The following VPS13B variants were observed in gnomAD, a reference collection of about 807,000 sequenced individuals.
VPS13B encodes vacuolar protein sorting 13 homolog B, also known as intermembrane lipid transfer protein VPS13B.
VPS13B carries 285 observed loss-of-function variants against 426.4 expected under a neutral mutation model. That is an observed-to-expected ratio of 0.67 (90% CI 0.61 to 0.74). The LOEUF (loss-of-function observed/expected upper bound fraction) is 0.74, where lower values mean the gene tolerates loss of function less well. VPS13B is among the 30% of genes least tolerant of loss of function. The pLI, the probability that VPS13B is intolerant of heterozygous loss-of-function variation, is 0.00. For synonymous variants in VPS13B, 1,676 were observed against 1,676.4 expected, an observed-to-expected ratio of 1.00 and a Z score of 0.01; for missense variants, 4,537 against 4,782.6, an observed-to-expected ratio of 0.95 and a Z score of 1.51.
intron 27 of VPS13B, among the ~76,000 whole-genome samples, chr8:99,503,572 T>C (rs1221926743): frequency 1.3e-5 from 2 of 152,220 alleles, no homozygotes; most frequent in African/African-American, 2.4e-5. Context: ...TGGAATATTC[T>C]GAATCCTTTG....
At chr8:99,631,247 G>C (rs962437026) in intron 33 of VPS13B, among the ~76,000 whole-genome samples, 5 of 151,962 alleles carry the variant, frequency 3.3e-5, no homozygotes, top group Non-Finnish European at 7.4e-5. Flanking sequence ...TGGTTTTTCT[G>C]GGAATCATGG....
chr8:99,117,646 A>G (rs1019825525), intron 7 of VPS13B, among the ~76,000 whole-genome samples: 1 of 152,218 alleles, frequency 6.6e-6, no homozygotes, highest in African/African-American at 2.4e-5. Context: ...AGGCTACAGC[A>G]TGGATGAACC....
At chr8:99,205,517 C>T (rs764531372) in intron 17 of VPS13B, among the ~76,000 whole-genome samples, 8 of 151,878 alleles carry the variant, frequency 5.3e-5, no homozygotes, top group Non-Finnish European at 7.4e-5. Flanking sequence ...AATAAAAACA[C>T]GAAACTTATA....
intron 32 of VPS13B, 60 bp downstream of exon 32, chr8:99,575,844 G>C: frequency 4.5e-6 from 7 of 1,551,986 alleles, no homozygotes; most frequent in Non-Finnish European, 6.2e-6. Context: ...CTCTTTGTAT[G>C]TTAGGGATTG....
chr8:99,551,980 A>G (rs548832846), intron 30 of VPS13B, among the ~76,000 whole-genome samples: 17 of 151,974 alleles, frequency 1.1e-4, no homozygotes, highest in Admixed American at 4.6e-4. Flanking sequence ...TGTTCTGTCT[A>G]TTACCTCCCT....
At chr8:99,249,958 G>C (rs543493052) in intron 17 of VPS13B, among the ~76,000 whole-genome samples, 1 of 152,066 alleles carries the variant, frequency 6.6e-6, no homozygotes, top group Non-Finnish European at 1.5e-5. Flanking sequence ...TTTCAGGAGC[G>C]GCTGTACATT....
In VPS13B at chr8:99,776,871, A is replaced by G. The variant is rs745547811; in HGVS notation, c.7344A>G (p.Pro2448=). The change falls in exon 41 of 62, where the codon CCA becomes CCG. Residue 2448 remains proline, a synonymous_variant. Transcript: ENST00000357162. ...ACTRVDSCFT[P]WFVPSLCVSF... ...CCAGAGTTGACTCCTGCTTTACCCC[A>G]TGGTTTGTCCCATCCCTTTGCGTTT... is the stretch of plus-strand genomic sequence containing the variant. The G allele has an allele frequency of 1.2e-6, 2 of 1,613,946 alleles. No individual in the cohort carries two copies. Among genetic ancestry groups the G allele is most frequent in the Non-Finnish European group, 1.7e-6 (2 of 1,179,954 alleles).
Position 99,720,982 on chromosome 8 carries a change from C to T in VPS13B, c.6985C>T (p.Pro2329Ser). 2 of 1,613,950 alleles carry T rather than the reference C, an allele frequency of 1.2e-6. No homozygotes were observed. Among genetic ancestry groups the T allele is most frequent in the Non-Finnish European group, 1.7e-6 (2 of 1,179,900 alleles). The change falls in exon 39 of 62, where the codon CCT becomes TCT. Residue 2329 changes from proline to serine, a missense_variant. Pro to Ser is a moderately conservative substitution (Grantham distance 74, BLOSUM62 -1). Transcript: ENST00000357162. ...PRVLTLVRIT[P>S]VPFNTTEDPD... Reference sequence around the variant, plus strand: ...AGTACTCACCCTTGTACGAATAACTCCTGTACCTTTTAACACCACAGAGGA... The same window carrying T: ...AGTACTCACCCTTGTACGAATAACTTCTGTACCTTTTAACACCACAGAGGA...
chr8:99,075,223 T>C (rs1285198816), intron 3 of VPS13B, among the ~76,000 whole-genome samples: 3 of 152,172 alleles, frequency 2.0e-5, no homozygotes, highest in African/African-American at 7.2e-5. Context: ...TAATTTATAA[T>C]GAAAAGAGAT....
intron 3 of VPS13B, among the ~76,000 whole-genome samples, chr8:99,077,873 T>C (rs1845219131): frequency 6.6e-6 from 1 of 152,178 alleles, no homozygotes; most frequent in African/African-American, 2.4e-5. Context: ...TTCTGAATTT[T>C]CTAAAATCTA....
chr8:99,277,632 A>C (rs1471712394), intron 19 of VPS13B, among the ~76,000 whole-genome samples: 1 of 152,042 alleles, frequency 6.6e-6, no homozygotes, highest in African/African-American at 2.4e-5. Context: ...CTGTATCTAA[A>C]TTTCTCTCTC....
At chr8:99,156,286 A>C (rs966706201) in intron 14 of VPS13B, among the ~76,000 whole-genome samples, 6 of 152,208 alleles carry the variant, frequency 3.9e-5, no homozygotes, top group Non-Finnish European at 8.8e-5. Context: ...ATTCCAGTTG[A>C]TTGAAAAAGA....
In VPS13B at chr8:99,291,030, C is replaced by T. The variant is rs1819706984; in HGVS notation, c.2824+15776C>T. The stretch of plus-strand genomic sequence containing the variant: ...TTTATATTTATGCTTTAGAAACTAG[C>T]ATAGGCAGTAGTGTGGATGAGGATA... On this transcript the variant is annotated intron_variant, in intron 19 of 61. Transcript: ENST00000357162. 2.0e-5 allele frequency among the ~76,000 whole-genome samples: 3 copies of T among 152,118 alleles called. No individual in the cohort carries two copies. In the South Asian group the frequency reaches 6.2e-4, roughly 32 times the overall value.
At chr8:99,759,114 G>A (rs1162875416) in intron 39 of VPS13B, among the ~76,000 whole-genome samples, 9 of 152,024 alleles carry the variant, frequency 5.9e-5, no homozygotes. Flanking sequence ...CTTACCCCAT[G>A]GCTGCCAACC....
chr8:99,756,047 A>C (rs971405691), intron 39 of VPS13B, among the ~76,000 whole-genome samples: 10 of 152,168 alleles, frequency 6.6e-5, no homozygotes, highest in African/African-American at 2.4e-4. Context: ...AATACTTGAA[A>C]TCACCTGTTT....
chr8:99,560,661 G>A (rs564964872), intron 31 of VPS13B, among the ~76,000 whole-genome samples: 104 of 152,294 alleles, frequency 6.8e-4, no homozygotes, highest in South Asian at 1.4e-3. Context: ...TGCAATAATG[G>A]AGTCATCAGC....
At chr8:99,180,908 T>C (rs1310772883) in intron 16 of VPS13B, among the ~76,000 whole-genome samples, 3 of 152,180 alleles carry the variant, frequency 2.0e-5, no homozygotes, top group Non-Finnish European at 4.4e-5. Flanking sequence ...TGTGTACTGT[T>C]AAATGAATAT....
chr8:99,296,201 T>G (rs1250051631), intron 19 of VPS13B, among the ~76,000 whole-genome samples: 1 of 152,170 alleles, frequency 6.6e-6, no homozygotes, highest in African/African-American at 2.4e-5. Context: ...TCATTTGCCT[T>G]TTTTGTTACC....
chr8:99,119,039 A>G (rs1847813482), intron 7 of VPS13B, among the ~76,000 whole-genome samples: 1 of 152,108 alleles, frequency 6.6e-6, no homozygotes, highest in Non-Finnish European at 1.5e-5. Flanking sequence ...GCTAACATTC[A>G]ATGGTGTATT....
Sources: gnomAD v4.1 joint callset for allele counts (sites outside exome capture counted in the v4.1 genomes callset) on GRCh38, gnomAD v4.1.1 for gene constraint, MANE v1.5 for transcripts, NCBI Gene and HGNC (gene_info 2026-07-23, HGNC 2026-07-21) for gene names.